The following DNAH7 variants were observed in gnomAD, a reference collection of about 807,000 sequenced individuals.
DNAH7 encodes dynein axonemal heavy chain 7.
A neutral mutation model predicts 444.6 loss-of-function variants in DNAH7; 397 were observed. The observed-to-expected ratio is 0.89, with a 90% CI of 0.82 to 0.97. The LOEUF is 0.97. DNAH7 is among the 50% of genes least tolerant of loss of function. The pLI is 0.00. For synonymous variants in DNAH7, 1,636 were observed against 1,624.4 expected, an observed-to-expected ratio of 1.01 and a Z score of -0.17; for missense variants, 4,902 against 4,800.8, an observed-to-expected ratio of 1.02 and a Z score of -0.62.
At chr2:195,856,997 A>T (rs1699751262) in intron 44 of DNAH7, among the ~76,000 whole-genome samples, 1 of 152,160 alleles carries the variant, frequency 6.6e-6, no homozygotes, top group Non-Finnish European at 1.5e-5. Flanking sequence ...TAAAAGAAAA[A>T]CATGTAAATT....
intron 19 of DNAH7, among the ~76,000 whole-genome samples, chr2:195,949,242 C>G (rs1386126122): frequency 6.6e-6 from 1 of 152,076 alleles, no homozygotes; most frequent in Non-Finnish European, 1.5e-5. Flanking sequence ...CAAACAGAGA[C>G]AATCTGACTT....
In DNAH7 at chr2:195,922,120, C is replaced by T; in HGVS notation, c.3903G>A (p.Leu1301=). The T allele has an allele frequency of 6.2e-7, 1 of 1,612,118 alleles. No homozygotes were observed. Among genetic ancestry groups the T allele is most frequent in the Non-Finnish European group, 8.5e-7 (1 of 1,178,320 alleles). Residue 1301 remains leucine (L), a synonymous_variant, in exon 24 of 65, where the codon CTG becomes CTA. Transcript: ENST00000312428. ...ATCTATCCGTGAGTGGTGTAATAAC[C>T]AGCCTAGGGGAATTACCCAGATATT... The part of the protein sequence containing the change: ...GYEYLGNSPR[L]VITPLTDRCY...
chr2:195,860,402 C>T (rs1176735855), intron 42 of DNAH7, among the ~76,000 whole-genome samples: 1 of 151,778 alleles, frequency 6.6e-6, no homozygotes. Flanking sequence ...AAGCTCGACA[C>T]AGAAAGACAA....
intron 24 of DNAH7, among the ~76,000 whole-genome samples, chr2:195,918,034 G>T (rs539726802): frequency 4.6e-5 from 7 of 152,044 alleles, no homozygotes; most frequent in African/African-American, 1.4e-4. Context: ...GCAGAAACAC[G>T]TATCAGATAA....
Position 195,737,990 on chromosome 2 carries a change from A to AAG in DNAH7, c.12004_12005dup (p.Pro4003PhefsTer15). ...AGTGTTCCTTGGGTTGGTCAGAGGG[A>AAG]AGAGTCATGGCAATCACAAAATTCG... On this transcript the variant is annotated frameshift_variant, in exon 65 of 65. Coordinates refer to ENST00000312428, the MANE Select transcript of DNAH7 (RefSeq NM_018897.3). LOFTEE classifies it high-confidence loss of function. The AAG allele has an allele frequency of 1.9e-6, 3 of 1,614,110 alleles. No individual in the cohort carries two copies. Among genetic ancestry groups the AAG allele is most frequent in the Non-Finnish European group, 2.5e-6 (3 of 1,179,950 alleles).
chr2:195,744,100 C>T (rs1473422192), intron 63 of DNAH7, among the ~76,000 whole-genome samples: 3 of 152,234 alleles, frequency 2.0e-5, no homozygotes, highest in African/African-American at 4.8e-5. Flanking sequence ...AGGGAGTTCC[C>T]TTTCCTAGTC....
chr2:195,888,834 C>T lies in DNAH7; in HGVS notation c.5194G>A (p.Glu1732Lys). The T allele has an allele frequency of 1.2e-6, 2 of 1,612,596 alleles. No individual in the cohort carries two copies. Among genetic ancestry groups the T allele is most frequent in the African/African-American group, 2.7e-5 (2 of 75,006 alleles). ...GAAGCAACTTCTAAATCCATTGGCT[C>T]AAAAATTAGATTCATTTGTGGTGAC... is the stretch of plus-strand genomic sequence containing the variant. ...QMSPQMNLIF[E>K]PMDLEVASPA... is the part of the protein sequence containing the mutation. Residue 1732 changes from glutamate (E) to lysine (K), a missense_variant, in exon 32 of 65, where the codon GAG (glutamate) becomes AAG (lysine). Coordinates refer to ENST00000312428, the MANE Select transcript of DNAH7 (RefSeq NM_018897.3).
At chr2:195,752,483 G>C (rs1303313921) in intron 63 of DNAH7, among the ~76,000 whole-genome samples, 2 of 152,120 alleles carry the variant, frequency 1.3e-5, no homozygotes, top group Non-Finnish European at 2.9e-5. Flanking sequence ...GATCTTAGAG[G>C]AAAGATCTAG....
chr2:196,047,273 G>T, intron 5 of DNAH7, 79 bp downstream of exon 5: 1 of 1,305,276 alleles, frequency 7.7e-7, no homozygotes, highest in Non-Finnish European at 1.0e-6. Flanking sequence ...GAGATGCACA[G>T]AATTCTAATA....
chr2:195,977,146 A>G (rs1692265385), intron 15 of DNAH7, among the ~76,000 whole-genome samples: 1 of 152,210 alleles, frequency 6.6e-6, no homozygotes, highest in Non-Finnish European at 1.5e-5. Context: ...CAAACAACCT[A>G]AATAAGGCAC....
intron 33 of DNAH7, among the ~76,000 whole-genome samples, chr2:195,886,481 C>T (rs370845441): frequency 2.3e-4 from 35 of 152,058 alleles, no homozygotes; most frequent in African/African-American, 7.2e-4. Context: ...CCTTTCGCAT[C>T]GATTCTCAAG....
intron 46 of DNAH7, among the ~76,000 whole-genome samples, chr2:195,850,124 C>A (rs1699262998): frequency 6.6e-6 from 1 of 152,018 alleles, no homozygotes; most frequent in Admixed American, 6.6e-5. Context: ...TCTGGATTAG[C>A]AATTTAAGAG....
chr2:195,824,989 C>T (rs1297540793), intron 48 of DNAH7: 2 of 152,216 alleles, frequency 1.3e-5, no homozygotes, highest in African/African-American at 4.8e-5. Flanking sequence ...AGAAAAATGA[C>T]ACAAAGGCCA....
At chr2:196,032,346 G>A (rs1022985987) in intron 5 of DNAH7, among the ~76,000 whole-genome samples, 4 of 152,032 alleles carry the variant, frequency 2.6e-5, no homozygotes, top group African/African-American at 9.7e-5. Flanking sequence ...ATAAAAGAGA[G>A]GACAGACGAA....
At chr2:195,800,961 T>C (rs1383668074) in intron 54 of DNAH7, among the ~76,000 whole-genome samples, 2 of 152,214 alleles carry the variant, frequency 1.3e-5, no homozygotes, top group Non-Finnish European at 2.9e-5. Context: ...TCTTTTCCTA[T>C]ATCCAGTACT....
Position 195,799,324 on chromosome 2 carries a change from G to A in DNAH7, c.10325C>T (p.Ala3442Val), listed in dbSNP as rs776341294. 1 of 1,594,724 alleles carries A rather than the reference G, an allele frequency of 6.3e-7. No individual in the cohort carries two copies. The highest frequency in any genetic ancestry group is 1.3e-5 in the African/African-American group (1 of 74,108). The change falls in exon 55 of 65, where the codon GCT (alanine) becomes GTT (valine). Residue 3442 changes from alanine (A) to valine (V), a missense_variant. Coordinates refer to ENST00000312428, the MANE Select transcript of DNAH7 (RefSeq NM_018897.3). Reference sequence around the variant, plus strand: ...GTCATCAGCAAATTTTAGAAGGGCAGCCATGGGATCTGCTCCAGGAGAGAG... The same window carrying A: ...GTCATCAGCAAATTTTAGAAGGGCAACCATGGGATCTGCTCCAGGAGAGAG... ...FVLSPGADPMAALLKFADDQG... is the reference protein window; with the variant it reads ...FVLSPGADPMVALLKFADDQG...
chr2:195,823,740 G>A (rs1251189182), intron 49 of DNAH7, among the ~76,000 whole-genome samples: 1 of 152,126 alleles, frequency 6.6e-6, no homozygotes, highest in Non-Finnish European at 1.5e-5. Flanking sequence ...GAGCTCAGCT[G>A]CAGATCAACA....
At position 196,008,976 on chromosome 2, in the gene DNAH7, G is replaced by A. The variant is rs993242271; in HGVS notation, c.989+3811C>T. Among the ~76,000 whole-genome samples the A allele has an allele frequency of 9.9e-4, 140 of 141,976 alleles. 1 individual carries two copies. In the Middle Eastern group the frequency reaches 0.01, roughly 11 times the overall value. The allele number at this position is 141,976 out of a possible 152,430, so 93.1% of individuals were successfully genotyped here. A position where few individuals can be genotyped will look rare whatever the true frequency, so the allele number is the denominator to read the frequency against. The stretch of plus-strand genomic sequence containing the variant: ...AAGGCCCCAGGAACATTATAATTAC[G>A]GCAGAAGGTGAAGGGGGAGCAGCCA... On this transcript the variant is annotated intron_variant, in intron 10 of 64. Transcript: ENST00000312428.
At chr2:195,854,190 C>T (rs1246642802) in intron 45 of DNAH7, among the ~76,000 whole-genome samples, 1 of 152,080 alleles carries the variant, frequency 6.6e-6, no homozygotes, top group East Asian at 1.9e-4. Flanking sequence ...CACACAATAG[C>T]AATATTCCAG....
Sources: allele counts gnomAD v4.1 joint callset (sites outside exome capture counted in the v4.1 genomes callset), GRCh38; gene constraint gnomAD v4.1.1; transcripts MANE v1.5; gene names NCBI Gene and HGNC (gene_info 2026-07-23, HGNC 2026-07-21).